CLDN16: variants seen among roughly 807,000 people sequenced by gnomAD.
CLDN16 encodes the protein claudin-16.
CLDN16 carries 13 observed loss-of-function variants against 24.6 expected under a neutral mutation model. The ratio of observed to expected loss-of-function variants is 0.53; its 90% CI spans 0.34 to 0.84. The LOEUF (loss-of-function observed/expected upper bound fraction) is 0.84, where lower values mean the gene tolerates loss of function less well. Ranked by LOEUF, CLDN16 falls within the 40% of genes least tolerant of loss-of-function variation. The pLI is 0.01. For missense variants in CLDN16, 298 were observed against 292.7 expected, an observed-to-expected ratio of 1.02 and a Z score of -0.13; for synonymous variants, 116 against 106.7, an observed-to-expected ratio of 1.09 and a Z score of -0.54.
the CLDN16 span, among the ~76,000 whole-genome samples, chr3:190,305,307 T>G: frequency 6.6e-6 from 1 of 152,212 alleles, no homozygotes; most frequent in Non-Finnish European, 1.5e-5. Context: ...GGAGTAGTTT[T>G]GATCATCATC....
the CLDN16 span, among the ~76,000 whole-genome samples, chr3:190,301,765 G>T: frequency 6.6e-6 from 1 of 152,058 alleles, no homozygotes. Flanking sequence ...TCCTATGACA[G>T]ACTGCAATCA....
At chr3:190,310,100 A>T in the CLDN16 span, 1 of 1,272,566 alleles carries the variant, frequency 7.9e-7, no homozygotes, top group Non-Finnish European at 1.1e-6. Flanking sequence ...TGGCACTAGC[A>T]GGACTTTGTA....
At chr3:190,395,588 G>A (rs556814697) in intron 1 of CLDN16, among the ~76,000 whole-genome samples, 12 of 152,056 alleles carry the variant, frequency 7.9e-5, no homozygotes, top group East Asian at 1.9e-4. Context: ...AAACTTTTGC[G>A]TCTTAATAAA....
At chr3:190,303,641 C>T in the CLDN16 span, among the ~76,000 whole-genome samples, 1 of 152,064 alleles carries the variant, frequency 6.6e-6, no homozygotes, top group Admixed American at 6.6e-5. Context: ...AAGGACTCTC[C>T]TGAAAATTGC....
At chr3:190,391,743 C>G (rs549242115) in intron 1 of CLDN16, among the ~76,000 whole-genome samples, 1 of 152,254 alleles carries the variant, frequency 6.6e-6, no homozygotes, top group East Asian at 1.9e-4. Flanking sequence ...CACACTCTAC[C>G]TATCTCAAAT....
the CLDN16 span, among the ~76,000 whole-genome samples, chr3:190,294,510 T>G: frequency 6.6e-6 from 1 of 152,170 alleles, no homozygotes; most frequent in Non-Finnish European, 1.5e-5. Flanking sequence ...TTTACTTACT[T>G]TTTTTAAATA....
At chr3:190,308,858 T>G in the CLDN16 span, among the ~76,000 whole-genome samples, 165 of 152,300 alleles carry the variant, frequency 1.1e-3, 3 homozygotes, top group East Asian at 0.027. Flanking sequence ...AATCAGAGCT[T>G]TGAACAGATG....
At chr3:190,334,281 G>A (rs1378453659) in intron 1 of CLDN16, among the ~76,000 whole-genome samples, 1 of 152,196 alleles carries the variant, frequency 6.6e-6, no homozygotes, top group Non-Finnish European at 1.5e-5. Context: ...AGATTAGGGA[G>A]AGCAATATCA....
rs149116671 is a variant in CLDN16 at position 190,388,374 on chromosome 3, C to G, written c.45C>G (p.Phe15Leu). 1.3e-3 allele frequency: 2,155 copies of G among 1,613,958 alleles called. 51 individuals are homozygous for G. The Admixed American group carries it at 0.033, about 25-fold the overall frequency. Residue 15 changes from phenylalanine to leucine, a missense_variant, in exon 1 of 5, where the codon TTC becomes TTG. Physicochemically the swap from Phe to Leu is conservative, Grantham distance 22. Transcript: ENST00000264734. ...LQYIACFFAF[F>L]SAGFLIVATW... ...ACATCGCTTGCTTCTTTGCCTTTTT[C>G]TCTGCTGGGTTTTTGATTGTGGCCA...
At chr3:190,343,660 A>G (rs79354294) in intron 1 of CLDN16, among the ~76,000 whole-genome samples, 5,964 of 152,222 alleles carry the variant, frequency 0.039, 395 homozygotes, top group African/African-American at 0.13. Context: ...CACGACATAT[A>G]TGAATCTGAA....
upstream of CLDN16, among the ~76,000 whole-genome samples, chr3:190,384,113 C>CT (rs970593142): frequency 1.3e-5 from 2 of 152,048 alleles, no homozygotes; most frequent in African/African-American, 2.4e-5. Flanking sequence ...TTAACCACCG[C>CT]TTTTTTTATA....
At chr3:190,395,048 A>T (rs1419912857) in intron 1 of CLDN16, among the ~76,000 whole-genome samples, 5 of 152,152 alleles carry the variant, frequency 3.3e-5, no homozygotes, top group Non-Finnish European at 5.9e-5. Flanking sequence ...ATAAATTGTG[A>T]TCTTTATCAC....
At chr3:190,388,876 C>A (rs938640912) in intron 1 of CLDN16, among the ~76,000 whole-genome samples, 1 of 152,050 alleles carries the variant, frequency 6.6e-6, no homozygotes, top group Non-Finnish European at 1.5e-5. Context: ...TGTTAATAAT[C>A]TAAAACGTTG....
intron 3 of CLDN16, among the ~76,000 whole-genome samples, chr3:190,382,962 C>CACTA (rs1439330363): frequency 1.3e-5 from 2 of 152,076 alleles, no homozygotes; most frequent in African/African-American, 2.4e-5. Flanking sequence ...CCGTAATGAA[C>CACTA]ACTAGACTTC....
At chr3:190,350,529 T>C (rs1398542918) in intron 1 of CLDN16, among the ~76,000 whole-genome samples, 2 of 152,062 alleles carry the variant, frequency 1.3e-5, no homozygotes, top group Non-Finnish European at 2.9e-5. Flanking sequence ...CAAGAGAACA[T>C]GCAAAGGTCA....
intron 1 of CLDN16, among the ~76,000 whole-genome samples, chr3:190,328,283 C>T (rs1475317149): frequency 6.6e-6 from 1 of 152,032 alleles, no homozygotes; most frequent in Non-Finnish European, 1.5e-5. Context: ...CTGTCACACA[C>T]ACACAAAATA....
intron 1 of CLDN16, among the ~76,000 whole-genome samples, chr3:190,363,604 T>C (rs1275675472): frequency 3.9e-4 from 45 of 114,374 alleles, no homozygotes; most frequent in African/African-American, 1.3e-3. Context: ...ATATTTTCTT[T>C]CTCCTGTCTG....
chr3:190,407,558 A>T (rs113849777), intron 3 of CLDN16, among the ~76,000 whole-genome samples: 5 of 152,248 alleles, frequency 3.3e-5, no homozygotes, highest in Admixed American at 2.0e-4. Flanking sequence ...CACATTTCTT[A>T]TTGCATCTAG....
chr3:190,323,163 C>T (rs1716981223), intron 1 of CLDN16, among the ~76,000 whole-genome samples: 1 of 152,160 alleles, frequency 6.6e-6, no homozygotes, highest in South Asian at 2.1e-4. Context: ...CCTTATGAAA[C>T]TGCAGGCTAG....
Sources: gnomAD v4.1 joint callset for allele counts (sites outside exome capture counted in the v4.1 genomes callset) on GRCh38, gnomAD v4.1.1 for gene constraint, MANE v1.5 for transcripts, NCBI Gene and HGNC (gene_info 2026-07-23, HGNC 2026-07-21) for gene names.